The following WDR86 variants were observed in gnomAD, a reference collection of about 807,000 sequenced individuals.
WDR86 encodes the protein WD repeat-containing protein 86.
WDR86 carries 30 observed loss-of-function variants against 36.5 expected under a neutral mutation model. The ratio of observed to expected loss-of-function variants is 0.82; its 90% CI spans 0.61 to 1.11. The LOEUF (loss-of-function observed/expected upper bound fraction) is 1.11. Among genes scored for constraint, WDR86 ranks in the 50% most tolerant of loss-of-function variants. The probability of loss-of-function intolerance (pLI) is 0.00; values close to 1 mark genes in which losing one functional copy is unlikely to be tolerated. For synonymous variants in WDR86, 255 were observed against 252.9 expected (o/e 1.01, Z -0.08); for missense variants, 545 against 561.2 (o/e 0.97, Z 0.29).
rs192497051 is a variant in WDR86 at position 151,396,214 on chromosome 7, G to A, written c.306-18C>T. ...CCAGGATCCTGGGGGCAAGAGGGAA[G>A]GGGTCAGGGATCAGAAGGCACGGGT... On this transcript the variant is annotated intron_variant, in intron 2 of 5. Coordinates refer to ENST00000334493, the MANE Select transcript of WDR86 (RefSeq NM_198285.3). The A allele has an allele frequency of 0.013, 21,464 of 1,612,714 alleles. 162 individuals carry two copies. The highest frequency in any genetic ancestry group is 0.016 in the Non-Finnish European group (18,998 of 1,179,786).
downstream of WDR86, chr7:151,381,073 A>G: frequency 1.8e-6 from 2 of 1,099,950 alleles, no homozygotes; most frequent in Non-Finnish European, 2.3e-6. This position sits in a 1 kb window ranked among gnomAD's most constrained non-coding sequence, Gnocchi z 4.8. Context: ...CCCAAGCTCC[A>G]AAAAGAAGCT....
chr7:151,374,295 C>A (rs1234378672), downstream of WDR86: 2 of 1,541,266 alleles, frequency 1.3e-6, no homozygotes, highest in South Asian at 2.4e-5. Context: ...TGGGTCCTGC[C>A]CAGAGCTCCC....
chr7:151,381,767 G>T lies in WDR86; in HGVS notation c.967-21C>A, dbSNP rs768031604. The T allele has an allele frequency of 6.7e-7, 1 of 1,487,650 alleles. No homozygotes were observed. The highest frequency in any genetic ancestry group is 8.9e-7 in the Non-Finnish European group (1 of 1,120,270). 92.2% of individuals were successfully genotyped at this position (1,487,650 alleles called of 1,614,324 possible). ...TGCACCTGCGGGCGCAGGGGCGGGC[G>T]TCACCGGTGACGCGGTAGGCGGGGG... On this transcript the variant is annotated intron_variant, in intron 5 of 5. Transcript: ENST00000334493. This position sits in a 1 kb window ranked among gnomAD's most constrained non-coding sequence, Gnocchi z 4.8.
chr7:151,408,262 T>A (rs1311989872), intron 1 of WDR86, among the ~76,000 whole-genome samples: 3 of 149,762 alleles, frequency 2.0e-5, no homozygotes, highest in Non-Finnish European at 3.0e-5. Context: ...AGTGGCACGA[T>A]CTTGGCTCAC....
At chr7:151,376,055 C>T (rs1047411422) in exon 2 of WDR86, 1 of 737,948 alleles carries the variant, frequency 1.4e-6, no homozygotes. Context: ...GAAACCTTGG[C>T]TCCCAGGCTC....
In WDR86 at chr7:151,381,267, G is replaced by A. The variant is rs146159843; in HGVS notation, c.*315C>T. 3.0e-4 allele frequency: 396 copies of A among 1,314,488 alleles called. 1 individual carries two copies. In the African/African-American group the frequency reaches 5.5e-3, roughly 18 times the overall value. The allele number at this position is 1,314,488 out of a possible 1,614,324, so 81.4% of individuals were successfully genotyped here. ...CCAGTTTCGTGGGGCTGGGGGAGCT[G>A]GGGCAGTCCGCCTGCAGCCCCTGAG... On this transcript the variant is annotated 3_prime_UTR_variant, in exon 6 of 6. Coordinates refer to ENST00000334493, the MANE Select transcript of WDR86 (RefSeq NM_198285.3). This position sits in a 1 kb window ranked among gnomAD's most constrained non-coding sequence, Gnocchi z 4.8.
downstream of WDR86, chr7:151,374,327 C>T: frequency 6.8e-7 from 1 of 1,474,264 alleles, no homozygotes; most frequent in East Asian, 2.5e-5. Flanking sequence ...CCAGCATCCT[C>T]CCGGGCTCAC....
downstream of WDR86, among the ~76,000 whole-genome samples, chr7:151,371,771 C>G (rs1204630573): frequency 6.6e-6 from 1 of 152,184 alleles, no homozygotes; most frequent in Non-Finnish European, 1.5e-5. Context: ...TGAGACAGAG[C>G]CTTGCTCTCT....
downstream of WDR86, chr7:151,376,664 G>A: frequency 1.2e-6 from 2 of 1,611,386 alleles, no homozygotes; most frequent in South Asian, 2.2e-5. Context: ...TGCACTCGTG[G>A]CCGAAGCTGC....
At chr7:151,375,999 G>A in exon 2 of WDR86, 2 of 1,070,144 alleles carry the variant, frequency 1.9e-6, no homozygotes, top group East Asian at 4.8e-5. Context: ...GGGTTGCTTG[G>A]GGTAACCCGG....
chr7:151,402,956 C>G (rs1372731440), intron 1 of WDR86, among the ~76,000 whole-genome samples: 1 of 152,188 alleles, frequency 6.6e-6, no homozygotes, highest in Non-Finnish European at 1.5e-5. Context: ...CCCCCAATAC[C>G]CATCAGGGAT....
At chr7:151,382,804 A>C (rs1798696234) in intron 4 of WDR86, among the ~76,000 whole-genome samples, 1 of 152,034 alleles carries the variant, frequency 6.6e-6, no homozygotes, top group East Asian at 1.9e-4. Context: ...GAAATGGGAG[A>C]TGGAAAGGGA....
intron 4 of WDR86, 21 bp downstream of exon 4, chr7:151,385,067 G>A (rs750415140): frequency 5.1e-6 from 8 of 1,576,730 alleles, no homozygotes; most frequent in African/African-American, 1.3e-5. Flanking sequence ...GGCACAGGTC[G>A]TGCAGGGCCA....
intron 4 of WDR86, among the ~76,000 whole-genome samples, chr7:151,384,225 T>G (rs1798809749): frequency 6.6e-6 from 1 of 152,244 alleles, no homozygotes; most frequent in African/African-American, 2.4e-5. Context: ...AGTTGAGACC[T>G]GTAGGACAGA....
rs186275270 is a variant in WDR86 at position 151,402,089 on chromosome 7, A to C, written c.164-1848T>G. Among the ~76,000 whole-genome samples, 388 of 124,244 alleles carry C rather than the reference A, an allele frequency of 3.1e-3. 13 individuals are homozygous for C. The highest frequency in any genetic ancestry group is 0.012 in the Middle Eastern group (3 of 250). The allele number at this position is 124,244 out of a possible 152,430, so 81.5% of individuals were successfully genotyped here. A position where few individuals can be genotyped will look rare whatever the true frequency, so the allele number is the denominator to read the frequency against. ...AAAAAAAATATATATATATATATATATATCTCCACAAATGTCCTTACAAGA... is the reference window on the plus strand; with the variant it reads ...AAAAAAAATATATATATATATATATCTATCTCCACAAATGTCCTTACAAGA... On this transcript the variant is annotated intron_variant, in intron 1 of 5. Coordinates refer to ENST00000334493, the MANE Select transcript of WDR86 (RefSeq NM_198285.3).
intron 1 of WDR86, chr7:151,408,919 G>A (rs1290741422): frequency 8.5e-6 from 4 of 471,546 alleles, no homozygotes; most frequent in Non-Finnish European, 1.8e-5. Flanking sequence ...GTCTGTATGT[G>A]GGGTAACATA....
chr7:151,379,415 C>T (rs940885879), downstream of WDR86, among the ~76,000 whole-genome samples: 44 of 152,166 alleles, frequency 2.9e-4, no homozygotes, highest in South Asian at 4.1e-4. Flanking sequence ...CTATGGGTAG[C>T]TCCTGTCCTT....
intron 1 of WDR86, 142 bp from the exon 2 acceptor site, chr7:151,400,383 GT>G (rs1283495476): frequency 2.0e-6 from 2 of 979,648 alleles, no homozygotes; most frequent in African/African-American, 3.4e-5. Flanking sequence ...CATTAGTTTT[GT>G]TTTGTTTTGT....
Position 151,409,873 on chromosome 7 carries a change from G to T in WDR86, c.-284C>A. The T allele has an allele frequency of 8.5e-7, 1 of 1,174,288 alleles. No homozygotes were observed. The highest frequency in any genetic ancestry group is 4.0e-5 in the East Asian group (1 of 25,268). The allele number at this position is 1,174,288 out of a possible 1,614,324, so 72.7% of individuals were successfully genotyped here. On this transcript the variant is annotated 5_prime_UTR_variant, in exon 1 of 6. In the 5' UTR this introduces an upstream ATG that the reference lacks. Coordinates refer to ENST00000334493, the MANE Select transcript of WDR86 (RefSeq NM_198285.3). The surrounding 1 kb of genome is among the most constrained non-coding windows in gnomAD (Gnocchi z 5.2). ...GCGGGCAGAGAGAACCCCCTTCCCA[G>T]CACCGCTCGGAGGATCCACACCCCA...
Sources: gnomAD v4.1 joint callset for allele counts (sites outside exome capture counted in the v4.1 genomes callset) on GRCh38, gnomAD v4.1.1 for gene constraint, Gnocchi (gnomAD v3.1) non-coding constraint, MANE v1.5 for transcripts, NCBI Gene and HGNC (gene_info 2026-07-23, HGNC 2026-07-21) for gene names.